MGAT4C: variants seen among roughly 807,000 people sequenced by gnomAD.
The protein encoded by MGAT4C is alpha-1,3-mannosyl-glycoprotein 4-beta-N-acetylglucosaminyltransferase C.
In MGAT4C, 19 loss-of-function variants were observed where a neutral mutation model predicts 40.1. That is an observed-to-expected ratio of 0.47 (90% CI 0.33 to 0.70). The LOEUF (loss-of-function observed/expected upper bound fraction) is 0.70, where lower values mean the gene tolerates loss of function less well. MGAT4C is among the 30% of genes least tolerant of loss of function. The pLI, the probability that MGAT4C is intolerant of heterozygous loss-of-function variation, is 0.02. For synonymous variants in MGAT4C, 181 were observed against 187.1 expected (o/e 0.97, Z 0.27); for missense variants, 491 against 563.2 (o/e 0.87, Z 1.30).
intron 2 of MGAT4C, among the ~76,000 whole-genome samples, chr12:86,639,617 T>A (rs2136518031): frequency 6.6e-6 from 1 of 151,892 alleles, no homozygotes; most frequent in East Asian, 1.9e-4. Flanking sequence ...AAGAATAGTT[T>A]ATGCCTATAT....
At chr12:86,797,495 C>T (rs957465176) in intron 1 of MGAT4C, among the ~76,000 whole-genome samples, 25 of 151,232 alleles carry the variant, frequency 1.7e-4, no homozygotes, top group Admixed American at 1.7e-3. Flanking sequence ...TATTTTTTTT[C>T]AATTCAACTA....
chr12:86,271,059 A>G (rs1201098298), intron 4 of MGAT4C, among the ~76,000 whole-genome samples: 1 of 152,304 alleles, frequency 6.6e-6, no homozygotes, highest in East Asian at 1.9e-4. Context: ...AAAATACAAA[A>G]AATACTAAAA....
At chr12:86,114,597 A>G (rs994343614) in intron 1 of MGAT4C, among the ~76,000 whole-genome samples, 3 of 151,888 alleles carry the variant, frequency 2.0e-5, no homozygotes, top group Non-Finnish European at 4.4e-5. Context: ...AAATGCTTCA[A>G]TGTATACCAT....
chr12:85,979,893 A>T lies in MGAT4C; in HGVS notation c.833T>A (p.Met278Lys). The T allele has an allele frequency of 1.2e-6, 2 of 1,613,842 alleles. No homozygotes were observed. Among genetic ancestry groups the T allele is most frequent in the Non-Finnish European group, 1.7e-6 (2 of 1,179,836 alleles). ...DLPRLAHFLL[M>K]FYQEMPCDWL... ...ATCACAAGGCATTTCTTGATAAAAC[A>T]TTAATAAAAAATGGGCCAAACGTGG... The change falls in exon 5 of 5, where the codon ATG becomes AAG. Residue 278 changes from methionine to lysine, a missense_variant. By Grantham distance (95) the Met-to-Lys change is moderately conservative. Coordinates refer to ENST00000611864, the MANE Select transcript of MGAT4C (RefSeq NM_001351288.2).
intron 2 of MGAT4C, among the ~76,000 whole-genome samples, chr12:86,631,845 G>T (rs535437073): frequency 6.6e-6 from 1 of 152,010 alleles, no homozygotes; most frequent in African/African-American, 2.4e-5. Context: ...ATAGGCATGG[G>T]CAAGGACTTC....
intron 4 of MGAT4C, among the ~76,000 whole-genome samples, chr12:86,268,499 AT>A (rs1952846341): frequency 6.6e-6 from 1 of 151,288 alleles, no homozygotes; most frequent in Non-Finnish European, 1.5e-5. Flanking sequence ...TGAAACCTTT[AT>A]TTTTTCCCTT....
At chr12:86,579,411 C>G (rs1960690824) in intron 2 of MGAT4C, among the ~76,000 whole-genome samples, 1 of 151,464 alleles carries the variant, frequency 6.6e-6, no homozygotes, top group East Asian at 1.9e-4. Context: ...TTTGCATAAA[C>G]AAGCAAAAAC....
chr12:86,295,402 G>T (rs745624744), intron 4 of MGAT4C, among the ~76,000 whole-genome samples: 10 of 152,166 alleles, frequency 6.6e-5, no homozygotes, highest in Non-Finnish European at 1.3e-4. Context: ...TTAAGGCAGC[G>T]CGTCTGGAGT....
At chr12:86,349,539 CCT>C (rs1955112841) in intron 3 of MGAT4C, among the ~76,000 whole-genome samples, 1 of 152,040 alleles carries the variant, frequency 6.6e-6, no homozygotes, top group Non-Finnish European at 1.5e-5. Flanking sequence ...TCTTGTAAAC[CCT>C]CTGTTTTTCT....
intron 1 of MGAT4C, among the ~76,000 whole-genome samples, chr12:86,083,960 G>A (rs1366735608): frequency 1.3e-5 from 2 of 152,054 alleles, no homozygotes; most frequent in Non-Finnish European, 2.9e-5. Context: ...GAACAGAGGT[G>A]TAGCTCTCCC....
Position 85,962,764 on chromosome 12 carries a change from A to C in MGAT4C, c.*16525T>G, listed in dbSNP as rs569894380. 6.6e-5 allele frequency: 10 copies of C among 151,482 alleles called. No homozygotes were observed. Among genetic ancestry groups the C allele is most frequent in the African/African-American group, 2.4e-4 (10 of 41,504 alleles). 9.4% of individuals were successfully genotyped at this position (151,482 alleles called of 1,614,324 possible). ...TATTAATCCCAAGATATTTTATTTCATTATATAAATGAAATATTTTATCTG... is the reference window on the plus strand; with the variant it reads ...TATTAATCCCAAGATATTTTATTTCCTTATATAAATGAAATATTTTATCTG... On this transcript the variant is annotated 3_prime_UTR_variant, in exon 5 of 5. Transcript: ENST00000611864.
intron 2 of MGAT4C, among the ~76,000 whole-genome samples, chr12:86,015,139 G>A (rs187784865): frequency 6.6e-6 from 1 of 151,504 alleles, no homozygotes; most frequent in East Asian, 2.0e-4. Context: ...TTTCACTTCT[G>A]AGGTGAAATA....
At chr12:86,558,442 TATA>T (rs974279967) in intron 2 of MGAT4C, among the ~76,000 whole-genome samples, 1 of 152,036 alleles carries the variant, frequency 6.6e-6, no homozygotes, top group African/African-American at 2.4e-5. Context: ...AAGAAAAAGT[TATA>T]ATAACAGCAA....
intron 2 of MGAT4C, among the ~76,000 whole-genome samples, chr12:86,009,435 C>G (rs1157227935): frequency 1.3e-5 from 2 of 152,108 alleles, no homozygotes; most frequent in Non-Finnish European, 1.5e-5. Flanking sequence ...TCTCTAGTAT[C>G]TGCTTGTGAA....
intron 1 of MGAT4C, among the ~76,000 whole-genome samples, chr12:86,229,723 A>C (rs1439952510): frequency 6.6e-6 from 1 of 152,038 alleles, no homozygotes; most frequent in African/African-American, 2.4e-5. Flanking sequence ...CTTAAAATGG[A>C]ATAAACTTCT....
At position 86,199,745 on chromosome 12, in the gene MGAT4C, A is replaced by T. The variant is rs189909304; in HGVS notation, c.-57+56494T>A. 2.6e-5 allele frequency among the ~76,000 whole-genome samples: 4 copies of T among 152,258 alleles called. 1 individual carries two copies. The highest frequency in any genetic ancestry group is 9.6e-5 in the African/African-American group (4 of 41,564). On this transcript the variant is annotated intron_variant, in intron 1 of 4. Transcript: ENST00000611864. Reference sequence around the variant, plus strand: ...GTACATAATGTAAATATTAATCTCTAAATAAATGTAACATTGTTATTTTTG... The same window carrying T: ...GTACATAATGTAAATATTAATCTCTTAATAAATGTAACATTGTTATTTTTG...
At chr12:86,488,426 CA>C (rs55960243) in intron 2 of MGAT4C, among the ~76,000 whole-genome samples, 2,997 of 107,776 alleles carry the variant, frequency 0.028, 39 homozygotes, top group Middle Eastern at 0.054. Context: ...GACCCTGTCT[CA>C]AAAAAAAAAA....
chr12:86,368,811 A>G (rs185219079), intron 3 of MGAT4C, among the ~76,000 whole-genome samples: 6 of 152,176 alleles, frequency 3.9e-5, no homozygotes, highest in Admixed American at 3.9e-4. Context: ...CATGTGATCT[A>G]TCCTAAAGAA....
chr12:86,237,859 A>C (rs1347413171), intron 1 of MGAT4C, among the ~76,000 whole-genome samples: 1 of 151,964 alleles, frequency 6.6e-6, no homozygotes, highest in African/African-American at 2.4e-5. Context: ...TTGAAGGAAA[A>C]TAATAACTAA....
Sources: gnomAD v4.1 joint callset for allele counts (sites outside exome capture counted in the v4.1 genomes callset) on GRCh38, gnomAD v4.1.1 for gene constraint, MANE v1.5 for transcripts, NCBI Gene and HGNC (gene_info 2026-07-23, HGNC 2026-07-21) for gene names.